The following SLC13A3 variants were observed in gnomAD, a reference collection of about 807,000 sequenced individuals.
SLC13A3 encodes Na(+)/dicarboxylate cotransporter 3.
A neutral mutation model predicts 59.0 loss-of-function variants in SLC13A3; 40 were observed. The observed-to-expected ratio is 0.68, with a 90% CI of 0.53 to 0.88. The LOEUF is 0.88. Ranked by LOEUF, SLC13A3 falls within the 40% of genes least tolerant of loss-of-function variation. The probability of loss-of-function intolerance (pLI) is 0.00; values close to 1 mark genes in which losing one functional copy is unlikely to be tolerated. For missense variants in SLC13A3, 699 were observed against 783.2 expected, an observed-to-expected ratio of 0.89 and a Z score of 1.28; for synonymous variants, 317 against 330.3, an observed-to-expected ratio of 0.96 and a Z score of 0.44.
In SLC13A3 at chr20:46,680,248, G is replaced by A. The variant is rs1280833862; in HGVS notation, c.-31+4148C>T. Among the ~76,000 whole-genome samples the A allele has an allele frequency of 4.6e-5, 7 of 152,270 alleles. No homozygotes were observed. In the South Asian group the frequency reaches 6.2e-4, roughly 14 times the overall value. On this transcript the variant is annotated intron_variant, in intron 1 of 6. Transcript: ENST00000372121. ...GCAGCCTGGCAAGGTGGGAAAGTGC[G>A]TCTTGTCTACCCTTAGCTTATAAGG...
chr20:46,588,195 C>A (rs751669933), intron 7 of SLC13A3, 32 bp from the exon 8 acceptor site: 3 of 1,432,190 alleles, frequency 2.1e-6, no homozygotes, highest in East Asian at 2.3e-5. Flanking sequence ...ATGATGGTGA[C>A]CCCGGGTTTC....
intron 9 of SLC13A3, among the ~76,000 whole-genome samples, chr20:46,576,245 G>A (rs963280147): frequency 9.9e-5 from 15 of 152,134 alleles, no homozygotes; most frequent in African/African-American, 3.4e-4. Context: ...TCACTACTCC[G>A]TCGTTGTAGC....
chr20:46,660,598 A>T (rs1786048754), intron 1 of SLC13A3, among the ~76,000 whole-genome samples: 1 of 152,176 alleles, frequency 6.6e-6, no homozygotes, highest in Admixed American at 6.5e-5. Context: ...AGTTTGACTG[A>T]AACGTTTAGG....
chr20:46,639,233 G>A (rs2062823724), intron 1 of SLC13A3, among the ~76,000 whole-genome samples: 1 of 151,900 alleles, frequency 6.6e-6, no homozygotes. Context: ...TGGGGGTGAG[G>A]GGCAGATCAC....
Position 46,599,898 on chromosome 20 carries a change from C to G in SLC13A3, c.608+73G>C, listed in dbSNP as rs1047283659. 1.2e-5 allele frequency: 14 copies of G among 1,193,926 alleles called. No homozygotes were observed. The Admixed American group carries it at 1.7e-4, about 15-fold the overall frequency. The allele number at this position is 1,193,926 out of a possible 1,614,324, so 74.0% of individuals were successfully genotyped here. On this transcript the variant is annotated intron_variant, in intron 4 of 12. Coordinates refer to ENST00000279027, the MANE Select transcript of SLC13A3 (RefSeq NM_022829.6). The stretch of plus-strand genomic sequence containing the variant: ...TCAGGGATGGGAGGAAAATGGTTTG[C>G]AGCATTGAATTCTTGTTCATCATCT...
intron 1 of SLC13A3, among the ~76,000 whole-genome samples, chr20:46,659,988 T>C (rs1568962027): frequency 6.6e-6 from 1 of 152,120 alleles, no homozygotes; most frequent in Admixed American, 6.5e-5. Flanking sequence ...ACCATGAAAT[T>C]AATAAAATTC....
At chr20:46,648,236 T>C (rs1481961408) in intron 1 of SLC13A3, among the ~76,000 whole-genome samples, 3 of 152,096 alleles carry the variant, frequency 2.0e-5, no homozygotes, top group African/African-American at 7.2e-5. Flanking sequence ...AGCTGCACTT[T>C]TTTTTTTTCT....
chr20:46,588,903 T>C (rs1443566037), intron 7 of SLC13A3, among the ~76,000 whole-genome samples: 1 of 152,116 alleles, frequency 6.6e-6, no homozygotes, highest in Non-Finnish European at 1.5e-5. Flanking sequence ...AGGGAAACGG[T>C]GCCTTGGGTG....
At chr20:46,662,513 G>A (rs373484999) in intron 1 of SLC13A3, among the ~76,000 whole-genome samples, 15 of 152,144 alleles carry the variant, frequency 9.9e-5, no homozygotes, top group African/African-American at 3.6e-4. Context: ...AGAGACTTAT[G>A]GGTACCCGAT....
intron 1 of SLC13A3, among the ~76,000 whole-genome samples, chr20:46,656,711 C>A (rs2062996858): frequency 6.6e-6 from 1 of 151,232 alleles, no homozygotes; most frequent in Non-Finnish European, 1.5e-5. Context: ...AATTTTATGT[C>A]CCACTTTCTT....
At chr20:46,681,402 T>C (rs2063153066) in intron 1 of SLC13A3, among the ~76,000 whole-genome samples, 1 of 143,952 alleles carries the variant, frequency 6.9e-6, no homozygotes, top group South Asian at 2.2e-4. Flanking sequence ...AAGATGGAAG[T>C]AGAGGAAGGA....
chr20:46,652,547 ATT>A (rs11471373), upstream of SLC13A3, among the ~76,000 whole-genome samples: 2,406 of 117,768 alleles, frequency 0.02, 21 homozygotes, highest in Middle Eastern at 0.031. Flanking sequence ...TATCTGGCTA[ATT>A]TTTTTTTTTT....
intron 5 of SLC13A3, among the ~76,000 whole-genome samples, chr20:46,593,421 G>A (rs538288379): frequency 2.0e-5 from 3 of 152,178 alleles, no homozygotes; most frequent in South Asian, 2.1e-4. Flanking sequence ...GGATACTCAC[G>A]GACATTTCTA....
At chr20:46,642,378 G>A (rs1345694934) in intron 1 of SLC13A3, among the ~76,000 whole-genome samples, 4 of 152,210 alleles carry the variant, frequency 2.6e-5, no homozygotes, top group Non-Finnish European at 4.4e-5. Context: ...GCTGACCCTC[G>A]GTGCCTCCTC....
At chr20:46,581,394 C>A (rs912807255) in intron 9 of SLC13A3, among the ~76,000 whole-genome samples, 2 of 152,174 alleles carry the variant, frequency 1.3e-5, no homozygotes, top group African/African-American at 2.4e-5. Context: ...ACAAGCTGGA[C>A]CAACCCGACT....
upstream of SLC13A3, among the ~76,000 whole-genome samples, chr20:46,655,102 CT>C (rs1196278501): frequency 4.0e-5 from 6 of 151,410 alleles, no homozygotes; most frequent in Non-Finnish European, 8.8e-5. Context: ...TCCAAGATTT[CT>C]TTTTTTTGTC....
At chr20:46,578,152 G>A (rs542312493) in intron 9 of SLC13A3, among the ~76,000 whole-genome samples, 2 of 151,480 alleles carry the variant, frequency 1.3e-5, no homozygotes, top group South Asian at 2.1e-4. Flanking sequence ...GGATGGTCTC[G>A]ATCTCCTGAC....
chr20:46,578,124 G>A (rs774883088), intron 9 of SLC13A3, among the ~76,000 whole-genome samples: 233 of 151,762 alleles, frequency 1.5e-3, no homozygotes, highest in Non-Finnish European at 1.7e-3. Flanking sequence ...TAGAGACGGG[G>A]TTTCACCGTG....
intron 1 of SLC13A3, among the ~76,000 whole-genome samples, chr20:46,643,188 T>C (rs1293494558): frequency 1.3e-5 from 2 of 151,096 alleles, no homozygotes; most frequent in Non-Finnish European, 2.9e-5. Flanking sequence ...TTATACCCCA[T>C]GGGTGGGAAG....
Sources: gnomAD v4.1 joint callset for allele counts (sites outside exome capture counted in the v4.1 genomes callset) on GRCh38, gnomAD v4.1.1 for gene constraint, MANE v1.5 for transcripts, NCBI Gene and HGNC (gene_info 2026-07-23, HGNC 2026-07-21) for gene names.